DGKH: variants seen among roughly 807,000 people sequenced by gnomAD.
The protein encoded by DGKH is diacylglycerol kinase eta.
Under a neutral mutation model 159.3 loss-of-function variants are expected in DGKH, and 90 were observed. The observed-to-expected ratio is 0.57, with a 90% CI of 0.48 to 0.67. The LOEUF is 0.67. DGKH is among the 30% of genes least tolerant of loss of function. The pLI is 0.00. For missense variants in DGKH, 1,181 were observed against 1,506.1 expected (o/e 0.78, Z 3.57); for synonymous variants, 536 against 553.8 (o/e 0.97, Z 0.45).
intron 29 of DGKH, chr13:42,225,462 G>T: frequency 1.1e-6 from 1 of 869,704 alleles, no homozygotes. Context: ...TTTATCCAGG[G>T]AAAGAGAAAG....
At chr13:42,086,102 A>C (rs912472091) in intron 1 of DGKH, among the ~76,000 whole-genome samples, 11 of 151,942 alleles carry the variant, frequency 7.2e-5, no homozygotes, top group African/African-American at 2.7e-4. Flanking sequence ...ATTTTTAGTA[A>C]AGATGGGGTT....
At chr13:42,193,431 T>A (rs1487121078) in intron 16 of DGKH, among the ~76,000 whole-genome samples, 1 of 152,236 alleles carries the variant, frequency 6.6e-6, no homozygotes, top group Non-Finnish European at 1.5e-5. Context: ...GTAATCTAAC[T>A]TGTTGGAAAT....
chr13:42,245,938 T>A (rs1437389696), downstream of DGKH, among the ~76,000 whole-genome samples: 1 of 152,138 alleles, frequency 6.6e-6, no homozygotes, highest in Non-Finnish European at 1.5e-5. Flanking sequence ...TTAAACTACT[T>A]TTATTTTAAA....
chr13:42,189,429 A>G, intron 15 of DGKH, 120 bp downstream of exon 15: 1 of 1,322,862 alleles, frequency 7.6e-7, no homozygotes, highest in East Asian at 2.5e-5. Flanking sequence ...TTAAGGCAAG[A>G]TAGAAGATAC....
At chr13:42,070,777 A>G in intron 1 of DGKH, 2 of 1,547,292 alleles carry the variant, frequency 1.3e-6, no homozygotes, top group Non-Finnish European at 1.8e-6. Flanking sequence ...CTCCTGAACA[A>G]TGTAAACACT....
chr13:42,244,658 A>G (rs1594270373), downstream of DGKH, among the ~76,000 whole-genome samples: 1 of 152,090 alleles, frequency 6.6e-6, no homozygotes, highest in African/African-American at 2.4e-5. Flanking sequence ...TAATCCCAGC[A>G]CTTTGGGAGG....
intron 17 of DGKH, among the ~76,000 whole-genome samples, chr13:42,196,494 T>A (rs772241957): frequency 7.9e-5 from 12 of 152,228 alleles, no homozygotes; most frequent in Non-Finnish European, 1.5e-4. Context: ...ATACATGCTA[T>A]ATAGAAACAC....
rs148136529 is a variant in DGKH, at chr13:42,053,004, T to A, written c.192+4039T>A. Reference sequence around the variant, plus strand: ...TGAGTCTCTAAATTTAGGTAAAACATACCTAAACACTAAAAAGATATTCAG... The same window carrying A: ...TGAGTCTCTAAATTTAGGTAAAACAAACCTAAACACTAAAAAGATATTCAG... On this transcript the variant is annotated intron_variant, in intron 1 of 29. Transcript: ENST00000337343. Among the ~76,000 whole-genome samples the A allele has an allele frequency of 5.4e-3, 823 of 152,310 alleles. 4 individuals are homozygous for A. The highest frequency in any genetic ancestry group is 7.7e-3 in the Non-Finnish European group (525 of 68,022).
intron 1 of DGKH, among the ~76,000 whole-genome samples, chr13:42,127,123 C>A (rs1009815359): frequency 6.6e-6 from 1 of 152,146 alleles, no homozygotes; most frequent in African/African-American, 2.4e-5. Context: ...GCTCCAGGAC[C>A]TCTGCTCTTT....
intron 1 of DGKH, among the ~76,000 whole-genome samples, chr13:42,084,094 T>G (rs918748349): frequency 2.6e-5 from 4 of 152,168 alleles, no homozygotes; most frequent in Non-Finnish European, 4.4e-5. Flanking sequence ...CTAGACATAA[T>G]TATTGATATA....
chr13:42,209,610 T>C (rs1185445837), intron 23 of DGKH, 145 bp downstream of exon 23: 7 of 1,049,614 alleles, frequency 6.7e-6, no homozygotes, highest in Non-Finnish European at 9.1e-6. Flanking sequence ...GAACAAATAT[T>C]TATTTATTTC....
chr13:42,204,321 T>C (rs950082828), intron 20 of DGKH, among the ~76,000 whole-genome samples: 5 of 152,238 alleles, frequency 3.3e-5, no homozygotes, highest in African/African-American at 1.2e-4. Context: ...TCAACAAATA[T>C]ACATTGAGCA....
rs1009648738 is a variant in DGKH, at chr13:42,231,035, C to T, written c.*1847C>T. ...TAAGTTGTAAATAAATGGAAATTTT[C>T]CAAAGACAGTTATATCAAGTAGTTT... On this transcript the variant is annotated 3_prime_UTR_variant, in exon 30 of 30. Coordinates refer to ENST00000337343, the MANE Select transcript of DGKH (RefSeq NM_178009.5). 2 of 152,024 alleles carry T rather than the reference C, an allele frequency of 1.3e-5. No homozygotes were observed. Among genetic ancestry groups the T allele is most frequent in the African/African-American group, 4.8e-5 (2 of 41,376 alleles). The allele number at this position is 152,024 out of a possible 1,614,324, so 9.4% of individuals were successfully genotyped here.
In DGKH at chr13:42,125,482, A is replaced by G. The variant is rs187259147; in HGVS notation, c.193-1981A>G. 3.7e-3 allele frequency among the ~76,000 whole-genome samples: 569 copies of G among 152,316 alleles called. 3 individuals carry two copies. The highest frequency in any genetic ancestry group is 5.8e-3 in the Non-Finnish European group (397 of 68,034). On this transcript the variant is annotated intron_variant, in intron 1 of 29. Transcript: ENST00000337343. ...TTTTTAGGAGACAAAACTGAGGCATAGAGTTGGGGTAATTTGTCCAGGTTC... is the reference window on the plus strand; with the variant it reads ...TTTTTAGGAGACAAAACTGAGGCATGGAGTTGGGGTAATTTGTCCAGGTTC...
chr13:42,056,721 T>C (rs1881785091), intron 1 of DGKH, among the ~76,000 whole-genome samples: 1 of 152,196 alleles, frequency 6.6e-6, no homozygotes, highest in South Asian at 2.1e-4. Flanking sequence ...CTGTAGCTTC[T>C]TGGGCAGTGA....
Position 42,174,094 on chromosome 13 carries a change from C to G in DGKH, c.1402C>G (p.Pro468Ala). The change falls in exon 12 of 30, where the codon CCA (proline) becomes GCA (alanine). Residue 468 changes from proline (P) to alanine (A), a missense_variant. By Grantham distance (27) the Pro-to-Ala change is conservative. Transcript: ENST00000337343. ...AATGACATATGAACTCAAATTGCCACCAAAAGCTTCCCTACTTCCAGGACC... is the reference window on the plus strand; with the variant it reads ...AATGACATATGAACTCAAATTGCCAGCAAAAGCTTCCCTACTTCCAGGACC... Reference protein sequence around the residue: ...SIMTYELKLPPKASLLPGPPE... With the variant: ...SIMTYELKLPAKASLLPGPPE... 2 of 1,613,724 alleles carry G rather than the reference C, an allele frequency of 1.2e-6. No individual in the cohort carries two copies. Among genetic ancestry groups the G allele is most frequent in the Non-Finnish European group, 1.7e-6 (2 of 1,179,936 alleles).
chr13:42,203,187 C>A (rs1271590548), intron 20 of DGKH, among the ~76,000 whole-genome samples: 1 of 152,030 alleles, frequency 6.6e-6, no homozygotes, highest in Admixed American at 6.6e-5. Context: ...CTTTTTAAAT[C>A]ATTTTGAATG....
In DGKH at chr13:42,155,807, A is replaced by G; in HGVS notation, c.622+8A>G. On this transcript the variant is annotated splice_region_variant and intron_variant, in intron 5 of 29. Coordinates refer to ENST00000337343, the MANE Select transcript of DGKH (RefSeq NM_178009.5). The stretch of plus-strand genomic sequence containing the variant: ...ATGGCCTGTCCTGCGAAGGTACTGT[A>G]GCACCTAGCATGTGTTTTCTCCCAA... 1 of 1,614,054 alleles carries G rather than the reference A, an allele frequency of 6.2e-7. No individual in the cohort carries two copies. Among genetic ancestry groups the G allele is most frequent in the African/African-American group, 1.3e-5 (1 of 75,038 alleles).
chr13:42,111,123 G>A (rs960990636), intron 1 of DGKH, among the ~76,000 whole-genome samples: 2 of 152,106 alleles, frequency 1.3e-5, no homozygotes, highest in African/African-American at 4.8e-5. Context: ...AAAAAAAGGA[G>A]AGACAGCTTA....
Sources: gnomAD v4.1 joint callset for allele counts (sites outside exome capture counted in the v4.1 genomes callset) on GRCh38, gnomAD v4.1.1 for gene constraint, MANE v1.5 for transcripts, NCBI Gene and HGNC (gene_info 2026-07-23, HGNC 2026-07-21) for gene names.